Variants in SLC4A5 observed in about 807,000 individuals in gnomAD.
SLC4A5 encodes the protein electrogenic sodium bicarbonate cotransporter 4.
SLC4A5 carries 96 observed loss-of-function variants against 120.4 expected under a neutral mutation model. That is an observed-to-expected ratio of 0.80 (90% confidence interval 0.68 to 0.94). The LOEUF (loss-of-function observed/expected upper bound fraction) is 0.94. SLC4A5 is among the 40% of genes least tolerant of loss of function. The probability of loss-of-function intolerance (pLI) is 0.00; values close to 1 mark genes in which losing one functional copy is unlikely to be tolerated. For synonymous variants in SLC4A5, 550 were observed against 571.1 expected (o/e 0.96, Z 0.53); for missense variants, 1,259 against 1,459.5 (o/e 0.86, Z 2.24).
At chr2:74,220,539 T>C (rs989900416) in intron 30 of SLC4A5, among the ~76,000 whole-genome samples, 17 of 152,274 alleles carry the variant, frequency 1.1e-4, no homozygotes, top group South Asian at 2.1e-4. Context: ...TTTTTTGAGA[T>C]GGAGTCTTGC....
intron 5 of SLC4A5, among the ~76,000 whole-genome samples, chr2:74,322,076 G>A (rs1673112978): frequency 6.6e-6 from 1 of 152,010 alleles, no homozygotes; most frequent in South Asian, 2.1e-4. Context: ...GAGGTGACAG[G>A]TATGAAGACC....
rs1670749786 is a variant in SLC4A5, at chr2:74,250,326, C to T, written c.1653+17G>A. 12 of 1,609,876 alleles carry T rather than the reference C, an allele frequency of 7.5e-6. No homozygotes were observed. The highest frequency in any genetic ancestry group is 9.3e-6 in the Non-Finnish European group (11 of 1,177,092). On this transcript the variant is annotated intron_variant, in intron 17 of 30. Coordinates refer to ENST00000394019, the Ensembl canonical transcript of SLC4A5. Reference sequence around the variant, plus strand: ...GCAGATCTTACTTTTACACTCAGGGCACCGGCTCGCACACACCTGATAATT... The same window carrying T: ...GCAGATCTTACTTTTACACTCAGGGTACCGGCTCGCACACACCTGATAATT...
chr2:74,260,332 G>C (rs1202247405), intron 11 of SLC4A5, among the ~76,000 whole-genome samples: 1 of 151,906 alleles, frequency 6.6e-6, no homozygotes, highest in Non-Finnish European at 1.5e-5. Flanking sequence ...TCTGTCCCAG[G>C]ATCCTCTCCT....
At chr2:74,306,614 G>A (rs1234774624) in intron 6 of SLC4A5, 1 of 385,484 alleles carries the variant, frequency 2.6e-6, no homozygotes, top group Non-Finnish European at 4.8e-6. Flanking sequence ...ATACATTTAA[G>A]CTTCCTCCAT....
At chr2:74,265,340 G>A (rs1671269574) in intron 8 of SLC4A5, 76 bp from the exon 9 acceptor site, 2 of 1,543,366 alleles carry the variant, frequency 1.3e-6, no homozygotes, top group Non-Finnish European at 1.8e-6. Flanking sequence ...CCCAAAAGAG[G>A]GGTGTCATGT....
chr2:74,339,289 A>G (rs1673570421), intron 2 of SLC4A5: 1 of 152,216 alleles, frequency 6.6e-6, no homozygotes, highest in Non-Finnish European at 1.5e-5. Flanking sequence ...TGCTGGGCTT[A>G]ATATCTAGGT....
chr2:74,254,523 T>C (rs1010213378), intron 14 of SLC4A5, 96 bp downstream of exon 14: 1 of 937,786 alleles, frequency 1.1e-6, no homozygotes, highest in Non-Finnish European at 1.7e-6. Flanking sequence ...CAGTAGGTGC[T>C]CAAATGTGCT....
chr2:74,285,118 G>A (rs1232972640), intron 8 of SLC4A5, among the ~76,000 whole-genome samples: 3 of 152,194 alleles, frequency 2.0e-5, no homozygotes, highest in African/African-American at 7.2e-5. Flanking sequence ...AGTGGCATGT[G>A]ACTGAAGTAC....
intron 8 of SLC4A5, among the ~76,000 whole-genome samples, chr2:74,268,736 G>A (rs1671381382): frequency 6.6e-6 from 1 of 152,180 alleles, no homozygotes; most frequent in Non-Finnish European, 1.5e-5. Flanking sequence ...TTTCCCTAAA[G>A]TCTCCCAGAC....
intron 10 of SLC4A5, 107 bp from the exon 11 acceptor site, chr2:74,262,339 C>A: frequency 8.5e-6 from 5 of 590,820 alleles, no homozygotes; most frequent in South Asian, 3.0e-5. Context: ...CAAGACATGT[C>A]TCTTCCCCTT....
At chr2:74,242,119 C>G in intron 19 of SLC4A5, 67 bp from the exon 20 acceptor site, 1 of 1,448,020 alleles carries the variant, frequency 6.9e-7, no homozygotes, top group Admixed American at 1.8e-5. Flanking sequence ...ATTCCCAACC[C>G]CTTCCCATCT....
At chr2:74,259,448 A>G (rs1042891986) in intron 12 of SLC4A5, 140 bp downstream of exon 12, 9 of 956,756 alleles carry the variant, frequency 9.4e-6, no homozygotes, top group Admixed American at 7.5e-5. Flanking sequence ...GGCAGCCCAG[A>G]GTCCCCACTG....
intron 4 of SLC4A5, among the ~76,000 whole-genome samples, chr2:74,333,536 T>G (rs552371259): frequency 2.0e-5 from 3 of 152,120 alleles, no homozygotes; most frequent in Non-Finnish European, 4.4e-5. Context: ...TAAAAAACTA[T>G]TTACATAGCA....
At chr2:74,262,023 T>G in intron 11 of SLC4A5, 114 bp downstream of exon 11, 15 of 934,442 alleles carry the variant, frequency 1.6e-5, no homozygotes, top group Non-Finnish European at 2.2e-5. Context: ...ATGCATGCCC[T>G]GAGAATTCTT....
chr2:74,234,266 C>T (rs1295546867), intron 22 of SLC4A5, among the ~76,000 whole-genome samples: 1 of 151,746 alleles, frequency 6.6e-6, no homozygotes. Flanking sequence ...GCAAGCTCTG[C>T]CTCCCGGATT....
chr2:74,234,147 G>T (rs1573009964), intron 22 of SLC4A5, among the ~76,000 whole-genome samples: 1 of 151,500 alleles, frequency 6.6e-6, no homozygotes, highest in Non-Finnish European at 1.5e-5. Context: ...TGGTGAGATC[G>T]TTGGTGCTCT....
At chr2:74,327,662 A>C (rs1428831216) in intron 5 of SLC4A5, among the ~76,000 whole-genome samples, 1 of 152,256 alleles carries the variant, frequency 6.6e-6, no homozygotes, top group African/African-American at 2.4e-5. Flanking sequence ...GAGATGCTAC[A>C]TTAGCAGATA....
chr2:74,299,758 G>A (rs1672424657), intron 7 of SLC4A5, among the ~76,000 whole-genome samples: 1 of 152,194 alleles, frequency 6.6e-6, no homozygotes, highest in Non-Finnish European at 1.5e-5. Context: ...GAACACTTGT[G>A]CACTGTTGGT....
intron 6 of SLC4A5, among the ~76,000 whole-genome samples, chr2:74,305,966 C>T (rs2104264416): frequency 6.6e-6 from 1 of 152,238 alleles, no homozygotes; most frequent in Non-Finnish European, 1.5e-5. Flanking sequence ...CCTTGTGATC[C>T]ACCCGCCTTG....
Sources: allele counts gnomAD v4.1 joint callset (sites outside exome capture counted in the v4.1 genomes callset), GRCh38; gene constraint gnomAD v4.1.1; transcripts MANE v1.5; gene names NCBI Gene and HGNC (gene_info 2026-07-23, HGNC 2026-07-21).